Variants in SEL1L observed in about 807,000 individuals in gnomAD.
The protein encoded by SEL1L is SEL1L adaptor subunit of SYVN1 ubiquitin ligase.
A neutral mutation model predicts 109.8 loss-of-function variants in SEL1L; 52 were observed. The ratio of observed to expected loss-of-function variants is 0.47; its 90% CI spans 0.38 to 0.60. The LOEUF is 0.60. SEL1L is among the 20% of genes least tolerant of loss of function. SEL1L has a pLI of 0.00. For missense variants in SEL1L, 749 were observed against 962.2 expected (o/e 0.78, Z 2.93); for synonymous variants, 373 against 339.6 (o/e 1.10, Z -1.08).
intron 3 of SEL1L, among the ~76,000 whole-genome samples, chr14:81,521,858 T>C (rs902755013): frequency 1.3e-5 from 2 of 152,196 alleles, no homozygotes. Flanking sequence ...GGCATCGTTA[T>C]CATAGGAGAT....
At chr14:81,527,826 A>G in intron 1 of SEL1L, 88 bp from the exon 2 acceptor site, 1 of 831,280 alleles carries the variant, frequency 1.2e-6, no homozygotes, top group South Asian at 1.6e-5. Context: ...AGTATAGCAA[A>G]TAATAATCAA....
chr14:81,502,824 A>T lies in SEL1L; in HGVS notation c.674T>A (p.Val225Glu). ...ATCACCAAATAAAAGAGCATATGAC[A>T]CTCTCTCCAGGGCTTTGGTATGGTT... ...SMNHTKALER[V>E]SYALLFGDYL... The change falls in exon 6 of 21, where the codon GTG becomes GAG. Residue 225 changes from valine (V) to glutamate (E), a missense_variant. By Grantham distance (121) the Val-to-Glu change is moderately radical. Transcript: ENST00000336735. 1 of 1,613,712 alleles carries T rather than the reference A, an allele frequency of 6.2e-7. No individual in the cohort carries two copies. The highest frequency in any genetic ancestry group is 8.5e-7 in the Non-Finnish European group (1 of 1,179,852).
intron 13 of SEL1L, 113 bp from the exon 14 acceptor site, chr14:81,489,427 T>C (rs1477270096): frequency 1.2e-6 from 1 of 835,668 alleles, no homozygotes; most frequent in African/African-American, 1.7e-5. Flanking sequence ...CATGTCTTAG[T>C]ACTTTTCAAT....
At chr14:81,532,804 C>G (rs557676555) in intron 1 of SEL1L, among the ~76,000 whole-genome samples, 1 of 152,256 alleles carries the variant, frequency 6.6e-6, no homozygotes, top group East Asian at 1.9e-4. Context: ...CACAGAACAC[C>G]TGTCCTGTTA....
chr14:81,487,845 T>C lies in SEL1L; in HGVS notation c.1483+10A>G. On this transcript the variant is annotated intron_variant, in intron 15 of 20. Transcript: ENST00000336735. ...TTGGTGTATCCATCATTAATTCCAG[T>C]GTTACTTACTATAGTACATGGAACC... 2 of 1,612,758 alleles carry C rather than the reference T, an allele frequency of 1.2e-6. No individual in the cohort carries two copies. Among genetic ancestry groups the C allele is most frequent in the Non-Finnish European group, 8.5e-7 (1 of 1,179,526 alleles).
At position 81,506,092 on chromosome 14, in the gene SEL1L, TTTC is replaced by T; in HGVS notation, c.487_489del (p.Glu163del). The T allele has an allele frequency of 6.2e-7, 1 of 1,613,620 alleles. No homozygotes were observed. Among genetic ancestry groups the T allele is most frequent in the Non-Finnish European group, 8.5e-7 (1 of 1,179,700 alleles). On this transcript the variant is annotated inframe_deletion, in exon 4 of 21. Coordinates refer to ENST00000336735, the MANE Select transcript of SEL1L (RefSeq NM_005065.6). Reference sequence around the variant, plus strand: ...TACTTACTTTCACAAAAGCCCCACTTTTCATCTGCTTTGTAGTCATAGGTTGTA... The same window carrying T: ...TACTTACTTTCACAAAAGCCCCACTTATCTGCTTTGTAGTCATAGGTTGTA...
chr14:81,528,965 T>C (rs1315935439), intron 1 of SEL1L, among the ~76,000 whole-genome samples: 4 of 152,150 alleles, frequency 2.6e-5, no homozygotes, highest in Non-Finnish European at 5.9e-5. Flanking sequence ...TTCTTTCGAA[T>C]ATTTGAGGAA....
rs762280821 is a variant in SEL1L at position 81,533,694 on chromosome 14, G to C, written c.51C>G (p.Ser17Arg). 3.1e-6 allele frequency: 5 copies of C among 1,613,496 alleles called. No individual in the cohort carries two copies. In the South Asian group the frequency reaches 5.5e-5, roughly 18 times the overall value. The part of the protein sequence containing the change: ...LTLLLCAVLL[S>R]LASASSDEEG... ...ACTGACCCGAGGACGCCGAGGCCAA[G>C]CTCAGCAGCACCGCACACAGCAGCA... is the stretch of plus-strand genomic sequence containing the variant. The change falls in exon 1 of 21, where the codon AGC becomes AGG. Residue 17 changes from serine to arginine, a missense_variant. Physicochemically the swap from Ser to Arg is moderately radical, Grantham distance 110. Around this residue, in one of 2 missense-constraint regions of SEL1L, gnomAD observed 366 missense variants for 399.8 expected, o/e 0.92. Coordinates refer to ENST00000336735, the MANE Select transcript of SEL1L (RefSeq NM_005065.6).
At position 81,484,391 on chromosome 14, in the gene SEL1L, G is replaced by GTA. The variant is rs1903455264; in HGVS notation, c.1878_1879dup (p.Thr627IlefsTer20). 1 of 1,609,976 alleles carries GTA rather than the reference G, an allele frequency of 6.2e-7. No homozygotes were observed. The highest frequency in any genetic ancestry group is 1.7e-5 in the Admixed American group (1 of 59,918). On this transcript the variant is annotated frameshift_variant, in exon 19 of 21. Transcript: ENST00000336735. LOFTEE classifies it high-confidence loss of function. ...GTCTCCGAGCTTAATTCTAGCCACA[G>GTA]TATAGCCTTAAACAAAAGTTAAATG... is the stretch of plus-strand genomic sequence containing the variant.
intron 10 of SEL1L, among the ~76,000 whole-genome samples, chr14:81,495,926 A>G (rs945574516): frequency 6.6e-6 from 1 of 151,844 alleles, no homozygotes; most frequent in African/African-American, 2.4e-5. Context: ...ACAGAGCAAG[A>G]CTTTGTCTTA....
chr14:81,498,555 G>T, intron 8 of SEL1L, 61 bp from the exon 9 acceptor site: 1 of 1,291,886 alleles, frequency 7.7e-7, no homozygotes, highest in Non-Finnish European at 1.1e-6. Context: ...CATTCTTCGT[G>T]GAACAAATAA....
chr14:81,522,414 T>C (rs1206912269), intron 3 of SEL1L, among the ~76,000 whole-genome samples: 1 of 152,214 alleles, frequency 6.6e-6, no homozygotes. Context: ...TTTTATACCA[T>C]ATTTTTATGT....
intron 16 of SEL1L, 119 bp downstream of exon 16, chr14:81,487,271 T>C: frequency 3.2e-6 from 3 of 925,832 alleles, no homozygotes; most frequent in Non-Finnish European, 4.7e-6. Context: ...ATATCAAAGC[T>C]AGGTAGGCTG....
rs1326240660 is a variant in SEL1L at position 81,474,435 on chromosome 14, A to T, written c.*2537T>A. On this transcript the variant is annotated 3_prime_UTR_variant, in exon 21 of 21. Transcript: ENST00000336735. ...TCTTAGGAGAGATGGGCTACCATGGACAAATGAAGCCACACTCTATCTGTT... is the reference window on the plus strand; with the variant it reads ...TCTTAGGAGAGATGGGCTACCATGGTCAAATGAAGCCACACTCTATCTGTT... 6.6e-6 allele frequency: 1 copy of T among 152,190 alleles called. No homozygotes were observed. Among genetic ancestry groups the T allele is most frequent in the East Asian group, 1.9e-4 (1 of 5,198 alleles). The allele number at this position is 152,190 out of a possible 1,614,324, so 9.4% of individuals were successfully genotyped here.
At chr14:81,492,044 A>G (rs1370586393) in intron 12 of SEL1L, among the ~76,000 whole-genome samples, 1 of 150,678 alleles carries the variant, frequency 6.6e-6, no homozygotes, top group Non-Finnish European at 1.5e-5. Flanking sequence ...TTTTTTTTAG[A>G]TGGAGTCTTG....
Position 81,504,283 on chromosome 14 carries a change from G to A in SEL1L, c.532C>T (p.Arg178Trp), listed in dbSNP as rs1884138912. 3.1e-6 allele frequency: 5 copies of A among 1,595,760 alleles called. No homozygotes were observed. Among genetic ancestry groups the A allele is most frequent in the South Asian group, 2.3e-5 (2 of 88,380 alleles). The change falls in exon 5 of 21, where the codon CGG (arginine) becomes TGG (tryptophan). Residue 178 changes from arginine to tryptophan, a missense_variant. Arg to Trp is a moderately radical substitution (Grantham distance 101). This residue lies in a region of SEL1L where 366 missense variants were observed against 399.8 expected (regional missense o/e 0.92). Transcript: ENST00000336735. ...ATCATTTCTGCTTCCTGCATCTGCC[G>A]TCTCTTAGCAGCCTCTTCTTCAGCT... The part of the protein sequence containing the change: ...CETEEEAAKR[R>W]QMQEAEMMYQ...
intron 15 of SEL1L, 122 bp downstream of exon 15, chr14:81,487,733 C>G: frequency 6.6e-7 from 1 of 1,521,206 alleles, no homozygotes; most frequent in Non-Finnish European, 8.8e-7. Context: ...AATCATTGAA[C>G]TGGGAGAACA....
intron 8 of SEL1L, 58 bp from the exon 9 acceptor site, chr14:81,498,552 C>T (rs1695431310): frequency 1.4e-5 from 19 of 1,314,146 alleles, no homozygotes; most frequent in Non-Finnish European, 2.0e-5. Context: ...TGTCATTCTT[C>T]GTGGAACAAA....
At position 81,473,709 on chromosome 14, in the gene SEL1L, G is replaced by A. The variant is rs183045861; in HGVS notation, c.*3263C>T. The A allele has an allele frequency of 4.6e-5, 7 of 152,140 alleles. No homozygotes were observed. Among genetic ancestry groups the A allele is most frequent in the East Asian group, 1.9e-4 (1 of 5,182 alleles). The allele number at this position is 152,140 out of a possible 1,614,324, so 9.4% of individuals were successfully genotyped here. On this transcript the variant is annotated 3_prime_UTR_variant, in exon 21 of 21. Coordinates refer to ENST00000336735, the MANE Select transcript of SEL1L (RefSeq NM_005065.6). ...AAATGTGCATGTGAAATGTTAGTCC[G>A]AACCTCTGTAAAGGAAGTTTTTGCG...
Sources: gnomAD v4.1 joint callset for allele counts (sites outside exome capture counted in the v4.1 genomes callset) on GRCh38, gnomAD v4.1.1 for gene constraint, gnomAD v4.1.1 regional missense constraint, MANE v1.5 for transcripts, NCBI Gene and HGNC (gene_info 2026-07-23, HGNC 2026-07-21) for gene names.